Variants in CRPPA observed in about 807,000 individuals in gnomAD.
CRPPA encodes CDP-L-ribitol pyrophosphorylase A, also known as D-ribitol-5-phosphate cytidylyltransferase.
In CRPPA, 43 loss-of-function variants were observed where a neutral mutation model predicts 52.0. The observed-to-expected ratio is 0.83, with a 90% CI of 0.65 to 1.07. The LOEUF is 1.07. Among genes scored for constraint, CRPPA ranks in the 50% least tolerant of loss-of-function variants. The pLI, the probability that CRPPA is intolerant of heterozygous loss-of-function variation, is 0.00. For synonymous variants in CRPPA, 250 were observed against 203.5 expected (o/e 1.23, Z -1.94); for missense variants, 629 against 551.7 (o/e 1.14, Z -1.40).
chr7:16,230,087 A>G (rs61640204), intron 8 of CRPPA, among the ~76,000 whole-genome samples: 1,650 of 151,954 alleles, frequency 0.011, 41 homozygotes, highest in African/African-American at 0.037. Flanking sequence ...TTGATTTTTG[A>G]TAGCATTATT....
At chr7:16,370,729 C>A (rs1200129053) in intron 3 of CRPPA, among the ~76,000 whole-genome samples, 1 of 152,130 alleles carries the variant, frequency 6.6e-6, no homozygotes, top group Non-Finnish European at 1.5e-5. Flanking sequence ...GGCAGGCAGC[C>A]TCTGTAATCA....
At chr7:16,126,253 T>C (rs932417420) in intron 9 of CRPPA, among the ~76,000 whole-genome samples, 6 of 152,164 alleles carry the variant, frequency 3.9e-5, no homozygotes, top group African/African-American at 1.4e-4. Flanking sequence ...AGTATGTTTA[T>C]CTACTGTCTA....
intron 8 of CRPPA, among the ~76,000 whole-genome samples, chr7:16,243,264 A>G (rs1204184717): frequency 6.6e-6 from 1 of 152,090 alleles, no homozygotes; most frequent in Non-Finnish European, 1.5e-5. Flanking sequence ...CCATGATTGT[A>G]AGTTTCCTGA....
chr7:16,250,821 C>T (rs1045030043), intron 8 of CRPPA, among the ~76,000 whole-genome samples: 19 of 152,090 alleles, frequency 1.2e-4, no homozygotes, highest in Admixed American at 3.3e-4. Flanking sequence ...CATCAACTAA[C>T]GGGCAAAATA....
At chr7:16,388,677 C>T (rs1450392468) in intron 2 of CRPPA, among the ~76,000 whole-genome samples, 2 of 152,116 alleles carry the variant, frequency 1.3e-5, no homozygotes, top group Admixed American at 6.5e-5. Context: ...GAGTTTGAGA[C>T]CAGCCTGGCC....
At chr7:16,314,683 A>G (rs1397604188) in intron 3 of CRPPA, among the ~76,000 whole-genome samples, 1 of 152,072 alleles carries the variant, frequency 6.6e-6, no homozygotes, top group Non-Finnish European at 1.5e-5. Context: ...TGGGAACAGA[A>G]TTCTAGGGTG....
Position 16,371,167 on chromosome 7 carries a change from G to A in CRPPA, c.684+4925C>T, listed in dbSNP as rs537538229. Among the ~76,000 whole-genome samples the A allele has an allele frequency of 1.6e-4, 24 of 152,208 alleles. No homozygotes were observed. In the South Asian group the frequency reaches 5.0e-3, roughly 32 times the overall value. ...CACCTTTATCAAGGCTAGGACCTCTGCCCACCATTGAGTATTACATCTACT... is the reference window on the plus strand; with the variant it reads ...CACCTTTATCAAGGCTAGGACCTCTACCCACCATTGAGTATTACATCTACT... On this transcript the variant is annotated intron_variant, in intron 3 of 9. Transcript: ENST00000407010.
intron 1 of CRPPA, among the ~76,000 whole-genome samples, chr7:16,412,329 G>T (rs1788092489): frequency 6.6e-6 from 1 of 152,206 alleles, no homozygotes; most frequent in African/African-American, 2.4e-5. Flanking sequence ...AAAATGCGTA[G>T]CACAGAGATA....
At chr7:16,397,575 CAT>C (rs959643535) in intron 2 of CRPPA, among the ~76,000 whole-genome samples, 29 of 140,714 alleles carry the variant, frequency 2.1e-4, no homozygotes, top group East Asian at 1.4e-3. Context: ...ATTTGACTGA[CAT>C]ATGAGACGTG....
intron 2 of CRPPA, among the ~76,000 whole-genome samples, chr7:16,395,240 G>A (rs554610310): frequency 6.6e-6 from 1 of 152,106 alleles, no homozygotes; most frequent in Non-Finnish European, 1.5e-5. Context: ...ACATGTCACT[G>A]TATGGAAATC....
At chr7:16,223,989 TAAAAAAGATAA>T (rs1437181601) in intron 8 of CRPPA, among the ~76,000 whole-genome samples, 2 of 152,110 alleles carry the variant, frequency 1.3e-5, no homozygotes, top group Non-Finnish European at 2.9e-5. Context: ...CACATATACA[TAAAAAAGATAA>T]GCCTATCCTT....
chr7:16,229,867 C>T (rs1400629249), intron 8 of CRPPA, among the ~76,000 whole-genome samples: 4 of 152,124 alleles, frequency 2.6e-5, no homozygotes, highest in Non-Finnish European at 5.9e-5. Flanking sequence ...GGAAAGTATT[C>T]ATCTTTTCTT....
At chr7:16,391,201 A>G (rs1787434215) in intron 2 of CRPPA, among the ~76,000 whole-genome samples, 1 of 151,482 alleles carries the variant, frequency 6.6e-6, no homozygotes, top group South Asian at 2.1e-4. Flanking sequence ...ACCTGTTCCT[A>G]CAGACGGCCA....
At chr7:16,269,403 G>T (rs1209705478) in intron 6 of CRPPA, 1 of 152,110 alleles carries the variant, frequency 6.6e-6, no homozygotes, top group Non-Finnish European at 1.5e-5. Context: ...GTAGAATAGA[G>T]TGCAAAAGAG....
chr7:16,366,342 C>T (rs1786587772), intron 3 of CRPPA, among the ~76,000 whole-genome samples: 1 of 152,106 alleles, frequency 6.6e-6, no homozygotes, highest in South Asian at 2.1e-4. Context: ...AACAAACATA[C>T]AAAGCTGCAT....
chr7:16,280,566 A>G (rs1317927711), intron 5 of CRPPA, among the ~76,000 whole-genome samples: 1 of 152,212 alleles, frequency 6.6e-6, no homozygotes, highest in Non-Finnish European at 1.5e-5. Flanking sequence ...ATTAAGAATA[A>G]TTTTTAAATA....
intron 3 of CRPPA, among the ~76,000 whole-genome samples, chr7:16,327,557 C>A (rs963796529): frequency 7.2e-5 from 10 of 139,010 alleles, no homozygotes; most frequent in Non-Finnish European, 1.4e-4. Context: ...TGCGCCACTG[C>A]AGTCCGCAGT....
At chr7:16,189,535 A>C (rs1035006705) in intron 9 of CRPPA, among the ~76,000 whole-genome samples, 7 of 152,204 alleles carry the variant, frequency 4.6e-5, no homozygotes, top group African/African-American at 1.7e-4. Context: ...GGAAAATCTG[A>C]ATCAGGAACA....
chr7:16,164,390 AT>A (rs1781002047), intron 9 of CRPPA, among the ~76,000 whole-genome samples: 3 of 152,252 alleles, frequency 2.0e-5, no homozygotes, highest in African/African-American at 4.8e-5. Flanking sequence ...TAAACTGGTT[AT>A]TCTAGCTAGC....
Sources: gnomAD v4.1 joint callset for allele counts (sites outside exome capture counted in the v4.1 genomes callset) on GRCh38, gnomAD v4.1.1 for gene constraint, MANE v1.5 for transcripts, NCBI Gene and HGNC (gene_info 2026-07-23, HGNC 2026-07-21) for gene names.